CCPG1: variants seen among roughly 807,000 people sequenced by gnomAD.
CCPG1 encodes the protein cell cycle progression 1.
A neutral mutation model predicts 81.3 loss-of-function variants in CCPG1; 46 were observed. That is an observed-to-expected ratio of 0.57 (90% CI 0.45 to 0.72). The LOEUF is 0.72. Ranked by LOEUF, CCPG1 falls within the 30% of genes least tolerant of loss-of-function variation. The pLI is 0.00. For synonymous variants in CCPG1, 330 were observed against 305.2 expected (o/e 1.08, Z -0.85); for missense variants, 902 against 937.6 (o/e 0.96, Z 0.50).
intron 1 of CCPG1, among the ~76,000 whole-genome samples, chr15:55,406,708 T>C (rs1162050776): frequency 6.6e-6 from 1 of 151,948 alleles, no homozygotes; most frequent in Non-Finnish European, 1.5e-5. Context: ...GTGCTGGGAT[T>C]ACAAGCCTGA....
intron 7 of CCPG1, among the ~76,000 whole-genome samples, chr15:55,361,400 T>C (rs1185961845): frequency 6.6e-6 from 1 of 151,876 alleles, no homozygotes; most frequent in African/African-American, 2.4e-5. Flanking sequence ...GAAAAGAGAT[T>C]ACCTTTTATA....
chr15:55,382,751 C>T (rs773825866), intron 3 of CCPG1, among the ~76,000 whole-genome samples: 6 of 152,162 alleles, frequency 3.9e-5, no homozygotes, highest in South Asian at 4.2e-4. Flanking sequence ...CCTCATGATC[C>T]GCCCACCTCA....
In CCPG1 at chr15:55,365,202, A is replaced by G; in HGVS notation, c.814T>C (p.Phe272Leu). The G allele has an allele frequency of 6.8e-7, 1 of 1,461,946 alleles. No individual in the cohort carries two copies. The highest frequency in any genetic ancestry group is 9.4e-7 in the Non-Finnish European group (1 of 1,058,708). 90.6% of individuals were successfully genotyped at this position (1,461,946 alleles called of 1,614,324 possible). Residue 272 changes from phenylalanine to leucine, a missense_variant, in exon 7 of 9, where the codon TTT (phenylalanine) becomes CTT (leucine). Phe to Leu is a conservative substitution (Grantham distance 22, BLOSUM62 0). Transcript: ENST00000442196. Reference protein sequence around the residue: ...LSQCQQEQESFIDYKSLKENL... With the variant: ...LSQCQQEQESLIDYKSLKENL... ...GTGGTACATACCTTATAATCTATAA[A>G]AGATTCTTGTTCCTGTTGACACTGG... is the stretch of plus-strand genomic sequence containing the variant.
At position 55,356,391 on chromosome 15, in the gene CCPG1, T is replaced by C. The variant is rs1314449246; in HGVS notation, c.2253A>G (p.Gln751=). ...PYGPSRPDKK[Q]RMVNIENSRH... ...TGGAGTTTTCAATATTTACCATACG[T>C]TGCTTTTTATCAGGTCGACTGAAAG... The change falls in exon 9 of 9, where the codon CAA becomes CAG. Residue 751 remains glutamine, a synonymous_variant. Coordinates refer to ENST00000442196, the MANE Select transcript of CCPG1 (RefSeq NM_001204450.2). 6.5e-7 allele frequency: 1 copy of C among 1,531,740 alleles called. No homozygotes were observed. The highest frequency in any genetic ancestry group is 2.4e-5 in the East Asian group (1 of 40,870). The allele number at this position is 1,531,740 out of a possible 1,614,324, so 94.9% of individuals were successfully genotyped here. A position where few individuals can be genotyped will look rare whatever the true frequency, so the allele number is the denominator to read the frequency against.
At chr15:55,359,503 A>T (rs985677126) in intron 8 of CCPG1, 36 bp downstream of exon 8, 4 of 1,541,646 alleles carry the variant, frequency 2.6e-6, no homozygotes, top group Non-Finnish European at 3.5e-6. Context: ...CAAATGTTAC[A>T]AACTACTGTA....
chr15:55,376,860 T>G (rs146767271), intron 5 of CCPG1, 89 bp downstream of exon 5: 1,238 of 939,546 alleles, frequency 1.3e-3, no homozygotes, highest in Non-Finnish European at 1.8e-3. Flanking sequence ...TATTCAAAAC[T>G]AGAGACTAAA....
intron 1 of CCPG1, among the ~76,000 whole-genome samples, chr15:55,395,661 A>T (rs1474697327): frequency 3.5e-4 from 53 of 152,158 alleles, no homozygotes; most frequent in Non-Finnish European, 1.5e-5. Context: ...TTTGAGAACC[A>T]TCCCTTGACC....
intron 1 of CCPG1, among the ~76,000 whole-genome samples, chr15:55,398,987 G>A (rs1268613436): frequency 6.6e-6 from 1 of 152,136 alleles, no homozygotes; most frequent in Non-Finnish European, 1.5e-5. Context: ...TTCAACATAT[G>A]CTTATTGAGT....
At position 55,377,161 on chromosome 15, in the gene CCPG1, A is replaced by G. The variant is rs1291557594; in HGVS notation, c.253-11T>C. ...CTTTTGTTCCTCTGCCTGAAGAATCATAATTTTAGAGATGGTAAGTTCAAC... is the reference window on the plus strand; with the variant it reads ...CTTTTGTTCCTCTGCCTGAAGAATCGTAATTTTAGAGATGGTAAGTTCAAC... On this transcript the variant is annotated splice_polypyrimidine_tract_variant and intron_variant, in intron 4 of 8. Coordinates refer to ENST00000442196, the MANE Select transcript of CCPG1 (RefSeq NM_001204450.2). 3.1e-6 allele frequency: 5 copies of G among 1,587,894 alleles called. No individual in the cohort carries two copies. Among genetic ancestry groups the G allele is most frequent in the Admixed American group, 1.7e-5 (1 of 59,486 alleles).
In CCPG1 at chr15:55,408,230, C is replaced by G. The variant is rs142516888; in HGVS notation, c.-19G>C. 1.9e-3 allele frequency: 295 copies of G among 153,282 alleles called. 2 individuals carry two copies. The highest frequency in any genetic ancestry group is 6.8e-3 in the Middle Eastern group (2 of 296). 9.5% of individuals were successfully genotyped at this position (153,282 alleles called of 1,614,324 possible). On this transcript the variant is annotated 5_prime_UTR_variant, in exon 1 of 9. Coordinates refer to ENST00000442196, the MANE Select transcript of CCPG1 (RefSeq NM_001204450.2). ...CCGCCTAGTACAGTACCTGAAGGGG[C>G]AGCGCCACCTCCGCCCGATTGTGCT...
At chr15:55,397,827 A>G (rs2057050344) in intron 1 of CCPG1, among the ~76,000 whole-genome samples, 2 of 152,132 alleles carry the variant, frequency 1.3e-5, no homozygotes, top group Admixed American at 6.5e-5. Context: ...AAATACAAAA[A>G]TTGGCCAGGT....
intron 1 of CCPG1, among the ~76,000 whole-genome samples, chr15:55,403,930 C>T (rs1007777938): frequency 6.6e-6 from 1 of 152,168 alleles, no homozygotes; most frequent in Non-Finnish European, 1.5e-5. Context: ...ATGATTTTAG[C>T]AGTTCATATG....
intron 6 of CCPG1, among the ~76,000 whole-genome samples, chr15:55,370,528 T>C (rs970855898): frequency 6.6e-6 from 1 of 152,148 alleles, no homozygotes; most frequent in Non-Finnish European, 1.5e-5. Flanking sequence ...CGGTGGCTCA[T>C]GCCTATAATC....
intron 1 of CCPG1, among the ~76,000 whole-genome samples, chr15:55,406,535 C>A (rs548490552): frequency 6.8e-6 from 1 of 147,658 alleles, no homozygotes. Flanking sequence ...CTCACTGCAA[C>A]CTCCGCCTCC....
Position 55,370,855 on chromosome 15 carries a change from G to A in CCPG1, c.706+938C>T, listed in dbSNP as rs536578776. Among the ~76,000 whole-genome samples, 9 of 131,450 alleles carry A rather than the reference G, an allele frequency of 6.8e-5. 1 individual carries two copies. Among genetic ancestry groups the A allele is most frequent in the Admixed American group, 3.7e-4 (5 of 13,388 alleles). The allele number at this position is 131,450 out of a possible 152,430, so 86.2% of individuals were successfully genotyped here. ...CGCACCACTGGACTCCAGCCTGGGCGACAGAGTGAGACTCCGTCTCAAAAA... is the reference window on the plus strand; with the variant it reads ...CGCACCACTGGACTCCAGCCTGGGCAACAGAGTGAGACTCCGTCTCAAAAA... On this transcript the variant is annotated intron_variant, in intron 6 of 8. Coordinates refer to ENST00000442196, the MANE Select transcript of CCPG1 (RefSeq NM_001204450.2).
chr15:55,357,382 T>C (rs1015703509), intron 8 of CCPG1: 1 of 985,378 alleles, frequency 1.0e-6, no homozygotes, highest in Non-Finnish European at 1.2e-6. Context: ...CATCAGCTCA[T>C]GTCTGTATTA....
chr15:55,378,298 A>T lies in CCPG1; in HGVS notation c.252+2T>A. 1 of 1,587,364 alleles carries T rather than the reference A, an allele frequency of 6.3e-7. No homozygotes were observed. The highest frequency in any genetic ancestry group is 8.6e-7 in the Non-Finnish European group (1 of 1,157,028). On this transcript the variant is annotated splice_donor_variant, in intron 4 of 8. Transcript: ENST00000442196. LOFTEE classifies it high-confidence loss of function. ...TATCCACAGTGTAAAATACAAGTTT[A>T]CCTCAATTGTTGAGCTGGTTTCCTC...
intron 7 of CCPG1, among the ~76,000 whole-genome samples, chr15:55,363,528 A>G (rs1870724359): frequency 6.6e-6 from 1 of 150,550 alleles, no homozygotes; most frequent in Admixed American, 6.7e-5. Context: ...TGAACTATTT[A>G]TAATTAACTT....
rs372839526 is a variant in CCPG1, at chr15:55,380,360, G to C, written c.176-1984C>G. ...GCCCAGGCTGGAGTGCAGTGGCGCC[G>C]TCTCGGCTCACTGCAAGCTCCGCCT... On this transcript the variant is annotated intron_variant, in intron 3 of 8. Coordinates refer to ENST00000442196, the MANE Select transcript of CCPG1 (RefSeq NM_001204450.2). Among the ~76,000 whole-genome samples the C allele has an allele frequency of 6.7e-5, 10 of 150,304 alleles. No homozygotes were observed. In the East Asian group the frequency reaches 1.0e-3, roughly 15 times the overall value.
Sources: gnomAD v4.1 joint callset for allele counts (sites outside exome capture counted in the v4.1 genomes callset) on GRCh38, gnomAD v4.1.1 for gene constraint, MANE v1.5 for transcripts, NCBI Gene and HGNC (gene_info 2026-07-23, HGNC 2026-07-21) for gene names.